The following ADGRB3 variants were observed in gnomAD, a reference collection of about 807,000 sequenced individuals.
ADGRB3 encodes the protein brain-specific angiogenesis inhibitor 3.
A neutral mutation model predicts 193.4 loss-of-function variants in ADGRB3; 37 were observed. The observed-to-expected ratio is 0.19, with a 90% CI of 0.15 to 0.25. The LOEUF (loss-of-function observed/expected upper bound fraction) is 0.25, where lower values mean the gene tolerates loss of function less well. Among genes scored for constraint, ADGRB3 ranks in the 10% least tolerant of loss-of-function variants. ADGRB3 has a pLI of 1.00. For missense variants in ADGRB3, 1,637 were observed against 1,852.9 expected, an observed-to-expected ratio of 0.88 and a Z score of 2.14; for synonymous variants, 690 against 644.2, an observed-to-expected ratio of 1.07 and a Z score of -1.08.
intron 3 of ADGRB3, among the ~76,000 whole-genome samples, chr6:68,753,082 T>A (rs1470469175): frequency 6.6e-6 from 1 of 152,068 alleles, no homozygotes; most frequent in Non-Finnish European, 1.5e-5. Flanking sequence ...AGCATTTCCA[T>A]CAAAAACAAG....
intron 20 of ADGRB3, among the ~76,000 whole-genome samples, chr6:69,313,476 T>C (rs373806060): frequency 6.6e-6 from 1 of 151,866 alleles, no homozygotes; most frequent in Non-Finnish European, 1.5e-5. Context: ...TTCAAAGTTA[T>C]ACAAGAAATA....
chr6:69,302,137 T>C (rs1378553679), intron 20 of ADGRB3, among the ~76,000 whole-genome samples: 1 of 151,896 alleles, frequency 6.6e-6, no homozygotes, highest in Admixed American at 6.6e-5. Flanking sequence ...TTAATGTAGA[T>C]GAAAGTGTCC....
At chr6:68,808,747 A>G (rs886911635) in intron 3 of ADGRB3, among the ~76,000 whole-genome samples, 1 of 152,144 alleles carries the variant, frequency 6.6e-6, no homozygotes, top group African/African-American at 2.4e-5. Flanking sequence ...AGGAGGAGGA[A>G]AAAAGGGGGA....
chr6:69,001,344 G>A (rs938486686), intron 11 of ADGRB3, among the ~76,000 whole-genome samples: 1 of 152,134 alleles, frequency 6.6e-6, no homozygotes, highest in African/African-American at 2.4e-5. Context: ...TGGAAAATAG[G>A]GTGCATGGTG....
chr6:68,776,944 A>G (rs1203523519), intron 3 of ADGRB3, among the ~76,000 whole-genome samples: 1 of 152,138 alleles, frequency 6.6e-6, no homozygotes, highest in African/African-American at 2.4e-5. Flanking sequence ...AATTAGGTCA[A>G]ATTTTTACGT....
rs541110617 is a variant in ADGRB3, at chr6:68,986,755, T to C, written c.1735-7013T>C. Among the ~76,000 whole-genome samples the C allele has an allele frequency of 6.6e-4, 100 of 152,306 alleles. 4 individuals carry two copies. In the South Asian group the frequency reaches 0.019, roughly 30 times the overall value. On this transcript the variant is annotated intron_variant, in intron 10 of 31. Coordinates refer to ENST00000370598, the MANE Select transcript of ADGRB3 (RefSeq NM_001704.3). Reference sequence around the variant, plus strand: ...CTTAGAACTGTGAAAGCCTTTAACATACCTTGCAGATGGGCTGTAGGAGTT... The same window carrying C: ...CTTAGAACTGTGAAAGCCTTTAACACACCTTGCAGATGGGCTGTAGGAGTT...
At chr6:69,337,240 G>A (rs1230558429) in intron 24 of ADGRB3, among the ~76,000 whole-genome samples, 1 of 152,160 alleles carries the variant, frequency 6.6e-6, no homozygotes, top group Non-Finnish European at 1.5e-5. Flanking sequence ...AGTGTTTGAA[G>A]TGTGAACACC....
At chr6:69,297,368 T>TCTCTCTCTCTCTCTCTCTC (rs1767846054) in intron 20 of ADGRB3, among the ~76,000 whole-genome samples, 5 of 97,616 alleles carry the variant, frequency 5.1e-5, no homozygotes, top group African/African-American at 7.9e-5. Context: ...CTCTCTCTCT[T>TCTCTCTCTCTCTCTCTCTC]TCTCTCTCTC....
At chr6:69,374,959 C>T (rs557814086) in intron 30 of ADGRB3, among the ~76,000 whole-genome samples, 48 of 152,064 alleles carry the variant, frequency 3.2e-4, no homozygotes, top group Non-Finnish European at 5.6e-4. Context: ...TTAGATATAA[C>T]TCAAGGAGAT....
intron 13 of ADGRB3, among the ~76,000 whole-genome samples, chr6:69,030,582 A>G (rs775077473): frequency 1.3e-4 from 20 of 152,100 alleles, no homozygotes; most frequent in Admixed American, 2.0e-4. Flanking sequence ...ACATGGACAC[A>G]GGGAGGGGAA....
At chr6:68,952,887 T>G (rs1181798030) in intron 6 of ADGRB3, among the ~76,000 whole-genome samples, 2 of 152,180 alleles carry the variant, frequency 1.3e-5, no homozygotes, top group African/African-American at 4.8e-5. Flanking sequence ...TTAACACTCT[T>G]AAGCTTTAAC....
intron 20 of ADGRB3, among the ~76,000 whole-genome samples, chr6:69,306,736 A>C (rs1288091220): frequency 6.6e-6 from 1 of 151,466 alleles, no homozygotes; most frequent in East Asian, 1.9e-4. Context: ...TTTAATTCCT[A>C]ATTTGTATGT....
chr6:69,142,225 G>A lies in ADGRB3; in HGVS notation c.2480+66187G>A, dbSNP rs141094545. ...AATATAATATCTTTAGTTAGAGTAC[G>A]TTCCACAGGAAGATTTCAAGTGGTT... On this transcript the variant is annotated intron_variant, in intron 17 of 31. Coordinates refer to ENST00000370598, the MANE Select transcript of ADGRB3 (RefSeq NM_001704.3). 4.9e-4 allele frequency among the ~76,000 whole-genome samples: 74 copies of A among 151,980 alleles called. 1 individual carries two copies. Among genetic ancestry groups the A allele is most frequent in the African/African-American group, 1.7e-3 (69 of 41,436 alleles).
intron 3 of ADGRB3, among the ~76,000 whole-genome samples, chr6:68,779,831 T>C (rs1766820411): frequency 1.3e-5 from 2 of 152,104 alleles, no homozygotes; most frequent in South Asian, 4.1e-4. Context: ...TGTACTGACT[T>C]CTTTATTTCC....
rs57616226 is a variant in ADGRB3 at position 69,069,553 on chromosome 6, C to CAAAAAAAAAAA, written c.2437-6424_2437-6414dup. On this transcript the variant is annotated intron_variant, in intron 16 of 31. Transcript: ENST00000370598. ...TGAAACCCCGTCTCTACTAAAAATA[C>CAAAAAAAAAAA]AAAAAAAAAAAAAAAAAAAAAAAAA... Among the ~76,000 whole-genome samples, 141 of 31,782 alleles carry CAAAAAAAAAAA rather than the reference C, an allele frequency of 4.4e-3. 31 individuals carry two copies. The highest frequency in any genetic ancestry group is 5.6e-3 in the African/African-American group (40 of 7,192). The allele number at this position is 31,782 out of a possible 152,430, so 20.9% of individuals were successfully genotyped here.
chr6:69,383,737 C>A (rs1389573228), intron 31 of ADGRB3, among the ~76,000 whole-genome samples: 2 of 152,016 alleles, frequency 1.3e-5, no homozygotes, highest in African/African-American at 2.4e-5. Flanking sequence ...ACAACACTTT[C>A]AAAAGCAAGT....
intron 3 of ADGRB3, among the ~76,000 whole-genome samples, chr6:68,820,787 A>G (rs1767734336): frequency 1.3e-5 from 2 of 152,040 alleles, no homozygotes; most frequent in Admixed American, 6.6e-5. Context: ...TATTTAACAA[A>G]CTTTTTTAGA....
chr6:68,721,564 A>G (rs1475660003), intron 3 of ADGRB3, among the ~76,000 whole-genome samples: 1 of 150,876 alleles, frequency 6.6e-6, no homozygotes, highest in Admixed American at 6.6e-5. Flanking sequence ...AACGTGGCAC[A>G]TGTATATATA....
At chr6:68,852,996 A>G (rs1272697635) in intron 3 of ADGRB3, among the ~76,000 whole-genome samples, 1 of 152,100 alleles carries the variant, frequency 6.6e-6, no homozygotes, top group Non-Finnish European at 1.5e-5. Flanking sequence ...ACTGCTCAGC[A>G]GCAAAAATGT....
Sources: gnomAD v4.1 joint callset for allele counts (sites outside exome capture counted in the v4.1 genomes callset) on GRCh38, gnomAD v4.1.1 for gene constraint, MANE v1.5 for transcripts, NCBI Gene and HGNC (gene_info 2026-07-23, HGNC 2026-07-21) for gene names.